ULK4: variants seen among roughly 807,000 people sequenced by gnomAD.
ULK4 encodes inactive serine/threonine-protein kinase ULK4.
A neutral mutation model predicts 160.6 loss-of-function variants in ULK4; 133 were observed. The observed-to-expected ratio is 0.83, with a 90% CI of 0.72 to 0.96. The LOEUF is 0.96. Ranked by LOEUF, ULK4 falls within the 40% of genes least tolerant of loss-of-function variation. The probability of loss-of-function intolerance (pLI) is 0.00; values close to 1 mark genes in which losing one functional copy is unlikely to be tolerated. For synonymous variants in ULK4, 534 were observed against 539.8 expected (o/e 0.99, Z 0.15); for missense variants, 1,580 against 1,499.5 (o/e 1.05, Z -0.89).
intron 22 of ULK4, among the ~76,000 whole-genome samples, chr3:41,745,551 A>G (rs2038392564): frequency 1.3e-5 from 2 of 151,716 alleles, no homozygotes; most frequent in African/African-American, 2.4e-5. Flanking sequence ...TGGATTCACT[A>G]GAGAATTCTA....
intron 22 of ULK4, among the ~76,000 whole-genome samples, chr3:41,741,933 T>C (rs1298942307): frequency 2.0e-5 from 3 of 151,812 alleles, no homozygotes; most frequent in Non-Finnish European, 4.4e-5. Context: ...AAGAGGGTGC[T>C]AGACAAGCCT....
Position 41,935,793 on chromosome 3 carries a change from T to A in ULK4, c.378+8A>T, listed in dbSNP as rs763693629. 1.8e-5 allele frequency: 28 copies of A among 1,595,862 alleles called. No homozygotes were observed. In the East Asian group the frequency reaches 6.4e-4, roughly 36 times the overall value. The stretch of plus-strand genomic sequence containing the variant: ...GCAGTTAGAAAATCAAAAACTTTCA[T>A]GAATTACCTTCCTAGGAGAAATGTC... On this transcript the variant is annotated splice_region_variant and intron_variant, in intron 4 of 36. Transcript: ENST00000301831.
intron 35 of ULK4, among the ~76,000 whole-genome samples, chr3:41,316,280 C>T (rs1203013591): frequency 6.6e-6 from 1 of 152,110 alleles, no homozygotes. Context: ...AGAGGTCAGA[C>T]AAAAGAGGCT....
chr3:41,692,080 T>C (rs1038791135), intron 27 of ULK4, among the ~76,000 whole-genome samples: 1 of 149,970 alleles, frequency 6.7e-6, no homozygotes, highest in Non-Finnish European at 1.5e-5. Flanking sequence ...GCCTCCCAAG[T>C]GGCTGGGACT....
intron 2 of ULK4, among the ~76,000 whole-genome samples, chr3:41,939,634 G>A (rs191361312): frequency 1.3e-5 from 2 of 152,090 alleles, no homozygotes; most frequent in East Asian, 3.9e-4. Context: ...AGTGGCTCAT[G>A]CCTGTAATCC....
chr3:41,619,438 T>A (rs565868653), intron 30 of ULK4, among the ~76,000 whole-genome samples: 1 of 152,212 alleles, frequency 6.6e-6, no homozygotes, highest in South Asian at 2.1e-4. Flanking sequence ...CAGACCACAG[T>A]GCAATCAAAT....
chr3:41,543,240 G>A (rs959139105), intron 32 of ULK4, among the ~76,000 whole-genome samples: 2 of 152,016 alleles, frequency 1.3e-5, no homozygotes, highest in Non-Finnish European at 1.5e-5. Context: ...GGAATGTGAG[G>A]GAGCAGATGA....
intron 30 of ULK4, among the ~76,000 whole-genome samples, chr3:41,652,821 T>A (rs1435525121): frequency 6.6e-6 from 1 of 152,190 alleles, no homozygotes; most frequent in Non-Finnish European, 1.5e-5. Flanking sequence ...TTCATTTGGA[T>A]TTTTAAAAGA....
intron 29 of ULK4, 94 bp from the exon 30 acceptor site, chr3:41,663,793 G>C: frequency 9.6e-7 from 1 of 1,041,756 alleles, no homozygotes. Context: ...TTTAGCTTAA[G>C]ACAGAAAGAT....
At chr3:41,730,910 T>C (rs879244338) in intron 22 of ULK4, among the ~76,000 whole-genome samples, 1 of 152,030 alleles carries the variant, frequency 6.6e-6, no homozygotes, top group African/African-American at 2.4e-5. Context: ...TCCATCACAT[T>C]AAGAAAATCA....
chr3:41,826,856 A>AT (rs2041375456), intron 18 of ULK4, among the ~76,000 whole-genome samples: 1 of 143,382 alleles, frequency 7.0e-6, no homozygotes, highest in South Asian at 2.2e-4. Context: ...CAGAATATAC[A>AT]TTTTTTTCAG....
At chr3:41,652,170 T>C (rs938891396) in intron 30 of ULK4, among the ~76,000 whole-genome samples, 1 of 152,126 alleles carries the variant, frequency 6.6e-6, no homozygotes, top group Non-Finnish European at 1.5e-5. Context: ...GAAACCTCTA[T>C]GATGGGAAGC....
intron 1 of ULK4, among the ~76,000 whole-genome samples, chr3:41,960,183 C>T (rs1186978237): frequency 6.6e-6 from 1 of 151,894 alleles, no homozygotes; most frequent in Admixed American, 6.6e-5. Context: ...TGATTTAGGC[C>T]AAATTCATTT....
intron 30 of ULK4, among the ~76,000 whole-genome samples, chr3:41,618,114 T>C (rs562887500): frequency 4.7e-4 from 71 of 152,264 alleles, no homozygotes; most frequent in African/African-American, 1.6e-3. Context: ...CCAAGAAATA[T>C]GGGACTATGT....
intron 32 of ULK4, among the ~76,000 whole-genome samples, chr3:41,506,775 T>TATATATATATAA (rs2085402139): frequency 5.7e-5 from 1 of 17,622 alleles, no homozygotes; most frequent in African/African-American, 1.4e-4. Context: ...AAAATATATA[T>TATATATATATAA]ATATATATAT....
In ULK4 at chr3:41,750,972, A is replaced by AG. The variant is rs1164215936; in HGVS notation, c.2321+3388_2321+3389insC. Among the ~76,000 whole-genome samples the AG allele has an allele frequency of 3.7e-5, 5 of 136,044 alleles. No individual in the cohort carries two copies. The East Asian group carries it at 6.9e-4, about 19-fold the overall frequency. 89.3% of individuals were successfully genotyped at this position (136,044 alleles called of 152,430 possible). On this transcript the variant is annotated intron_variant, in intron 22 of 36. Coordinates refer to ENST00000301831, the MANE Select transcript of ULK4 (RefSeq NM_017886.4). ...GTGAGACTCCACCTCAAAAAAAAAA[A>AG]AGAGAGAGAGAGAAAGAGAGAGAGA...
chr3:41,490,838 T>C (rs922247501), intron 32 of ULK4, among the ~76,000 whole-genome samples: 2 of 152,112 alleles, frequency 1.3e-5, no homozygotes, highest in African/African-American at 4.8e-5. Flanking sequence ...TACTGGTGCT[T>C]AAGGACATGG....
chr3:41,310,141 A>C (rs557346086), intron 35 of ULK4, among the ~76,000 whole-genome samples: 1 of 152,302 alleles, frequency 6.6e-6, no homozygotes, highest in African/African-American at 2.4e-5. Context: ...AATAAAAATA[A>C]ATCACTAGGA....
chr3:41,311,908 G>C (rs1381817998), intron 35 of ULK4, among the ~76,000 whole-genome samples: 2 of 147,346 alleles, frequency 1.4e-5, no homozygotes, highest in Non-Finnish European at 2.9e-5. Context: ...TATTAGTTCT[G>C]TCCCTCTAGA....
Sources: allele counts gnomAD v4.1 joint callset (sites outside exome capture counted in the v4.1 genomes callset), GRCh38; gene constraint gnomAD v4.1.1; transcripts MANE v1.5; gene names NCBI Gene and HGNC (gene_info 2026-07-23, HGNC 2026-07-21).